Variants in RALYL observed in about 807,000 individuals in gnomAD.
RALYL encodes the protein RALY RNA binding protein like.
RALYL carries 29 observed loss-of-function variants against 35.1 expected under a neutral mutation model. That is an observed-to-expected ratio of 0.83 (90% CI 0.61 to 1.13). The LOEUF (loss-of-function observed/expected upper bound fraction) is 1.13. Among genes scored for constraint, RALYL ranks in the 50% most tolerant of loss-of-function variants. The pLI is 0.00. For missense variants in RALYL, 359 were observed against 360.4 expected (o/e 1.00, Z 0.03); for synonymous variants, 120 against 127.6 (o/e 0.94, Z 0.40).
chr8:84,295,841 T>C (rs1013267806), intron 1 of RALYL, among the ~76,000 whole-genome samples: 3 of 152,158 alleles, frequency 2.0e-5, no homozygotes, highest in South Asian at 2.1e-4. Context: ...TGTTTATTCT[T>C]CCTAAAGGTG....
intron 1 of RALYL, among the ~76,000 whole-genome samples, chr8:84,506,837 G>A (rs1410056789): frequency 6.6e-6 from 1 of 151,824 alleles, no homozygotes; most frequent in Non-Finnish European, 1.5e-5. Flanking sequence ...CTAAGCAACT[G>A]TGCACTTTAA....
chr8:84,874,405 C>T (rs1016288385), intron 7 of RALYL, among the ~76,000 whole-genome samples: 2 of 152,120 alleles, frequency 1.3e-5, no homozygotes, highest in Non-Finnish European at 2.9e-5. Flanking sequence ...TAGTGATAGA[C>T]CTCGGTCTCA....
intron 1 of RALYL, among the ~76,000 whole-genome samples, chr8:84,328,969 G>A (rs73293011): frequency 0.047 from 7,226 of 152,188 alleles, 267 homozygotes; most frequent in African/African-American, 0.083. Context: ...TGTATTCCAC[G>A]GTGTATGTGT....
chr8:84,629,613 CA>C (rs1823488463), intron 2 of RALYL, among the ~76,000 whole-genome samples: 1 of 151,826 alleles, frequency 6.6e-6, no homozygotes, highest in Non-Finnish European at 1.5e-5. Context: ...ATATATTGCT[CA>C]GGGTAAATTC....
intron 1 of RALYL, among the ~76,000 whole-genome samples, chr8:84,232,074 G>A (rs1041673390): frequency 7.9e-5 from 12 of 152,222 alleles, no homozygotes; most frequent in South Asian, 2.1e-4. Context: ...TCAGTACTCC[G>A]CCCTTTACAC....
At chr8:84,728,648 T>C (rs1240624463) in intron 2 of RALYL, among the ~76,000 whole-genome samples, 3 of 152,194 alleles carry the variant, frequency 2.0e-5, no homozygotes, top group Non-Finnish European at 4.4e-5. Flanking sequence ...AATTGATTTT[T>C]GTATAAGGTG....
At chr8:84,286,910 CAACA>C (rs1837733116) in intron 1 of RALYL, among the ~76,000 whole-genome samples, 1 of 152,094 alleles carries the variant, frequency 6.6e-6, no homozygotes, top group African/African-American at 2.4e-5. Flanking sequence ...GTCTACATGC[CAACA>C]AATCCATTTG....
At chr8:84,718,315 A>G (rs763388516) in intron 2 of RALYL, among the ~76,000 whole-genome samples, 1 of 152,200 alleles carries the variant, frequency 6.6e-6, no homozygotes, top group African/African-American at 2.4e-5. Context: ...TGTGTTATCA[A>G]CTTAAGGTTT....
chr8:84,191,328 G>C (rs1025741940), intron 1 of RALYL, among the ~76,000 whole-genome samples: 1 of 152,084 alleles, frequency 6.6e-6, no homozygotes, highest in African/African-American at 2.4e-5. Flanking sequence ...TTCTGAGAAA[G>C]AAGAGAGGGC....
chr8:84,538,838 C>G (rs542546304), intron 2 of RALYL, among the ~76,000 whole-genome samples: 107 of 152,202 alleles, frequency 7.0e-4, no homozygotes, highest in Admixed American at 1.9e-3. Flanking sequence ...GTGGGAAACT[C>G]AAGGCATTAC....
intron 1 of RALYL, among the ~76,000 whole-genome samples, chr8:84,385,363 A>G (rs561342369): frequency 1.3e-5 from 2 of 151,970 alleles, no homozygotes; most frequent in Non-Finnish European, 2.9e-5. Context: ...TTATTTTTCA[A>G]AAGAAGTTCT....
intron 1 of RALYL, among the ~76,000 whole-genome samples, chr8:84,297,893 T>G (rs1333400351): frequency 6.6e-6 from 1 of 152,154 alleles, no homozygotes. Flanking sequence ...TCTAATGGTG[T>G]TGTTTGTTTA....
intron 2 of RALYL, among the ~76,000 whole-genome samples, chr8:84,550,207 C>T (rs931188326): frequency 6.6e-6 from 1 of 152,024 alleles, no homozygotes; most frequent in African/African-American, 2.4e-5. Context: ...GTCTCTCTCT[C>T]TCTCTCTATC....
At chr8:84,731,901 C>T (rs1411130893) in intron 2 of RALYL, among the ~76,000 whole-genome samples, 2 of 152,106 alleles carry the variant, frequency 1.3e-5, no homozygotes, top group Admixed American at 1.3e-4. Flanking sequence ...GGTGTTGCTT[C>T]ATGTGCTTGG....
intron 2 of RALYL, chr8:84,679,109 C>G (rs1295361723): frequency 1.7e-5 from 4 of 232,266 alleles, no homozygotes; most frequent in Non-Finnish European, 3.6e-5. Flanking sequence ...ATAGTAAATG[C>G]TGATTCTGAG....
At position 84,270,544 on chromosome 8, in the gene RALYL, C is replaced by A. The variant is rs570907621; in HGVS notation, c.-24+86120C>A. Among the ~76,000 whole-genome samples, 3 of 143,994 alleles carry A rather than the reference C, an allele frequency of 2.1e-5. No individual in the cohort carries two copies. In the South Asian group the frequency reaches 6.7e-4, roughly 32 times the overall value. 94.5% of individuals were successfully genotyped at this position (143,994 alleles called of 152,430 possible). On this transcript the variant is annotated intron_variant, in intron 1 of 8. Transcript: ENST00000521268. Reference sequence around the variant, plus strand: ...GCTTGAGGTTTCGATTAACCAGTGACATGAAATTCGTGTGTGTGTGTGTGT... The same window carrying A: ...GCTTGAGGTTTCGATTAACCAGTGAAATGAAATTCGTGTGTGTGTGTGTGT...
chr8:84,856,156 A>G (rs1015554224), intron 5 of RALYL, among the ~76,000 whole-genome samples: 1 of 152,220 alleles, frequency 6.6e-6, no homozygotes, highest in South Asian at 2.1e-4. Flanking sequence ...AAATGGTATT[A>G]TTTGGAGTCA....
At position 84,418,645 on chromosome 8, in the gene RALYL, A is replaced by G. The variant is rs2045039313; in HGVS notation, c.-23-110654A>G. ...ACCCTCACCCTCTCCCCCAGAAAAA[A>G]AGAAAAGAATCATTCCATTGTTAGA... On this transcript the variant is annotated intron_variant, in intron 1 of 8. Transcript: ENST00000521268. Among the ~76,000 whole-genome samples, 3 of 152,282 alleles carry G rather than the reference A, an allele frequency of 2.0e-5. No homozygotes were observed. The South Asian group carries it at 6.2e-4, about 32-fold the overall frequency.
intron 2 of RALYL, among the ~76,000 whole-genome samples, chr8:84,682,636 T>G (rs945482752): frequency 6.6e-6 from 1 of 152,186 alleles, no homozygotes; most frequent in Non-Finnish European, 1.5e-5. Context: ...GTAGAGGTGT[T>G]TATAGTATTC....
Sources: gnomAD v4.1 joint callset for allele counts (sites outside exome capture counted in the v4.1 genomes callset) on GRCh38, gnomAD v4.1.1 for gene constraint, MANE v1.5 for transcripts, NCBI Gene and HGNC (gene_info 2026-07-23, HGNC 2026-07-21) for gene names.